RBFOX1: variants seen among roughly 807,000 people sequenced by gnomAD.
RBFOX1 encodes the protein RNA binding protein fox-1 homolog 1.
In RBFOX1, 8 loss-of-function variants were observed where a neutral mutation model predicts 57.7. The ratio of observed to expected loss-of-function variants is 0.14; its 90% CI spans 0.08 to 0.25. The LOEUF is 0.25. Ranked by LOEUF, RBFOX1 falls within the 10% of genes least tolerant of loss-of-function variation. RBFOX1 has a pLI of 1.00. For missense variants in RBFOX1, 611 were observed against 548.5 expected, an observed-to-expected ratio of 1.11 and a Z score of -1.14; for synonymous variants, 326 against 222.4, an observed-to-expected ratio of 1.47 and a Z score of -4.15.
intron 3 of RBFOX1, among the ~76,000 whole-genome samples, chr16:6,855,831 C>G (rs1236632010): frequency 2.0e-5 from 3 of 150,348 alleles, no homozygotes; most frequent in East Asian, 2.0e-4. Flanking sequence ...CCTTCCCTCC[C>G]TCCTTCCCTC....
intron 2 of RBFOX1, among the ~76,000 whole-genome samples, chr16:6,591,375 A>T (rs1446062638): frequency 6.6e-6 from 1 of 152,090 alleles, no homozygotes; most frequent in Non-Finnish European, 1.5e-5. Flanking sequence ...AATCACTTGA[A>T]CTTGGGAGGC....
At chr16:5,559,455 A>G (rs1299986492) in intron 2 of RBFOX1, among the ~76,000 whole-genome samples, 1 of 152,106 alleles carries the variant, frequency 6.6e-6, no homozygotes, top group Non-Finnish European at 1.5e-5. Flanking sequence ...TACTGTCAAA[A>G]CAAGCCGAAC....
At chr16:6,562,141 T>C (rs961511838) in intron 2 of RBFOX1, among the ~76,000 whole-genome samples, 1 of 152,248 alleles carries the variant, frequency 6.6e-6, no homozygotes, top group Non-Finnish European at 1.5e-5. Context: ...TAGTTCAAGA[T>C]AGTTCATGGG....
chr16:5,398,008 T>G, intron 1 of RBFOX1, among the ~76,000 whole-genome samples: 1 of 152,118 alleles, frequency 6.6e-6, no homozygotes, highest in East Asian at 1.9e-4. Flanking sequence ...TAAATAAACA[T>G]TTGCCCAGGG....
chr16:7,603,671 T>TG (rs1160714823), intron 9 of RBFOX1, among the ~76,000 whole-genome samples: 7 of 151,830 alleles, frequency 4.6e-5, no homozygotes, highest in Non-Finnish European at 7.4e-5. Flanking sequence ...ACGGTGGTCT[T>TG]GGGGGGTTTT....
At chr16:6,836,026 C>T (rs1036211575) in intron 3 of RBFOX1, among the ~76,000 whole-genome samples, 1 of 152,140 alleles carries the variant, frequency 6.6e-6, no homozygotes, top group Admixed American at 6.6e-5. Context: ...CAGTCTCTGT[C>T]CTTGGAGGAG....
At chr16:6,807,476 C>T (rs969070393) in intron 3 of RBFOX1, among the ~76,000 whole-genome samples, 1 of 152,074 alleles carries the variant, frequency 6.6e-6, no homozygotes, top group Admixed American at 6.6e-5. Context: ...GGCTGGGGTC[C>T]TGAGTTCTGC....
chr16:6,785,816 T>TA (rs946095090), intron 3 of RBFOX1, among the ~76,000 whole-genome samples: 1 of 138,096 alleles, frequency 7.2e-6, no homozygotes, highest in African/African-American at 2.8e-5. Flanking sequence ...GATGAGAACT[T>TA]ACTTTAGAAT....
chr16:6,732,921 T>A (rs1320868649), intron 3 of RBFOX1, among the ~76,000 whole-genome samples: 1 of 152,242 alleles, frequency 6.6e-6, no homozygotes, highest in Non-Finnish European at 1.5e-5. Flanking sequence ...TGACAAATGA[T>A]GAAAATGCTA....
chr16:7,437,042 C>T (rs1278879110), intron 4 of RBFOX1, among the ~76,000 whole-genome samples: 2 of 152,152 alleles, frequency 1.3e-5, no homozygotes, highest in Non-Finnish European at 2.9e-5. Context: ...GATCACACCA[C>T]TGCACTCCAG....
chr16:5,945,663 C>G (rs1276349879), intron 4 of RBFOX1, among the ~76,000 whole-genome samples: 2 of 152,214 alleles, frequency 1.3e-5, no homozygotes, highest in African/African-American at 4.8e-5. Context: ...ATGTGGCTGG[C>G]TTTAGCACCC....
chr16:5,474,900 A>G (rs534478376), intron 2 of RBFOX1, among the ~76,000 whole-genome samples: 13 of 152,326 alleles, frequency 8.5e-5, no homozygotes, highest in African/African-American at 2.9e-4. Context: ...AGCATTGGCT[A>G]TGGATTGAAC....
rs1255430430 is a variant in RBFOX1, at chr16:7,034,841, C to CTTTTTTTT, written c.-15-17210_-15-17209insTTTTTTTT. 1.4e-3 allele frequency among the ~76,000 whole-genome samples: 53 copies of CTTTTTTTT among 39,120 alleles called. 3 individuals are homozygous for CTTTTTTTT. The highest frequency in any genetic ancestry group is 3.0e-3 in the African/African-American group (25 of 8,250). 25.7% of individuals were successfully genotyped at this position (39,120 alleles called of 152,430 possible). A position where few individuals can be genotyped will look rare whatever the true frequency, so the allele number is the denominator to read the frequency against. ...ATATTGCATTACTTTTTTTTTTTTT[C>CTTTTTTTT]TTTTTTCTTTTTTTTTTTTTTTTTT... On this transcript the variant is annotated intron_variant, in intron 3 of 15. Transcript: ENST00000550418.
chr16:6,111,862 A>G (rs566980655), intron 1 of RBFOX1, among the ~76,000 whole-genome samples: 1 of 152,228 alleles, frequency 6.6e-6, no homozygotes, highest in South Asian at 2.1e-4. Flanking sequence ...AAGTGATTTG[A>G]CAAAAAGGGG....
intron 10 of RBFOX1, among the ~76,000 whole-genome samples, chr16:7,627,205 C>T (rs986158895): frequency 1.5e-5 from 2 of 134,526 alleles, no homozygotes; most frequent in African/African-American, 5.9e-5. Context: ...AAAAAAAAGT[C>T]AATTTGAAAT....
intron 12 of RBFOX1, among the ~76,000 whole-genome samples, chr16:7,661,099 C>G (rs1352257745): frequency 6.6e-6 from 1 of 152,114 alleles, no homozygotes; most frequent in East Asian, 1.9e-4. Flanking sequence ...CGTGCTGTTA[C>G]TATTAGGGAG....
intron 3 of RBFOX1, among the ~76,000 whole-genome samples, chr16:6,729,968 G>C (rs78111278): frequency 6.6e-6 from 1 of 152,032 alleles, no homozygotes; most frequent in Non-Finnish European, 1.5e-5. Flanking sequence ...CTCAGATCCT[G>C]ATGCCAACAA....
intron 1 of RBFOX1, among the ~76,000 whole-genome samples, chr16:5,304,093 G>T (rs923572746): frequency 2.6e-5 from 4 of 151,996 alleles, no homozygotes; most frequent in Non-Finnish European, 5.9e-5. Context: ...ATCTCCAAAG[G>T]AATATTTAAG....
chr16:5,460,997 A>C lies in RBFOX1; in HGVS notation c.220-6219A>C, dbSNP rs149980795. On this transcript the variant is annotated intron_variant, in intron 1 of 2. Transcript: ENST00000585867. ...AATTCTGCTCATGAAACGGATGACA[A>C]GGAAAGGAATGTCTGCAGAAATACT... Among the ~76,000 whole-genome samples, 219 of 152,222 alleles carry C rather than the reference A, an allele frequency of 1.4e-3. 4 individuals carry two copies. In the East Asian group the frequency reaches 0.038, roughly 26 times the overall value.
Sources: allele counts gnomAD v4.1 joint callset (sites outside exome capture counted in the v4.1 genomes callset), GRCh38; gene constraint gnomAD v4.1.1; transcripts MANE v1.5; gene names NCBI Gene and HGNC (gene_info 2026-07-23, HGNC 2026-07-21).